BSDC1: variants seen among roughly 807,000 people sequenced by gnomAD.
The protein encoded by BSDC1 is BSD domain-containing protein 1.
A neutral mutation model predicts 56.0 loss-of-function variants in BSDC1; 29 were observed. The observed-to-expected ratio is 0.52, with a 90% CI of 0.39 to 0.71. The LOEUF (loss-of-function observed/expected upper bound fraction) is 0.71. Ranked by LOEUF, BSDC1 falls within the 30% of genes least tolerant of loss-of-function variation. The probability of loss-of-function intolerance (pLI) is 0.00; values close to 1 mark genes in which losing one functional copy is unlikely to be tolerated. For missense variants in BSDC1, 477 were observed against 548.5 expected, an observed-to-expected ratio of 0.87 and a Z score of 1.30; for synonymous variants, 210 against 215.3, an observed-to-expected ratio of 0.98 and a Z score of 0.21.
Position 32,366,525 on chromosome 1 carries a change from G to T in BSDC1, c.*97C>A. 1 of 1,201,332 alleles carries T rather than the reference G, an allele frequency of 8.3e-7. No individual in the cohort carries two copies. The highest frequency in any genetic ancestry group is 1.2e-6 in the Non-Finnish European group (1 of 826,984). The allele number at this position is 1,201,332 out of a possible 1,614,324, so 74.4% of individuals were successfully genotyped here. A position where few individuals can be genotyped will look rare whatever the true frequency, so the allele number is the denominator to read the frequency against. ...GCCCAGAGCTCTGGTTGGCAGAGGAGATTTGGGGGAACATTCTCAGTCTTC... is the reference window on the plus strand; with the variant it reads ...GCCCAGAGCTCTGGTTGGCAGAGGATATTTGGGGGAACATTCTCAGTCTTC... On this transcript the variant is annotated 3_prime_UTR_variant, in exon 11 of 11. Coordinates refer to ENST00000455895, the MANE Select transcript of BSDC1 (RefSeq NM_018045.8).
chr1:32,375,427 G>A (rs1642245705), intron 9 of BSDC1, among the ~76,000 whole-genome samples: 1 of 151,808 alleles, frequency 6.6e-6, no homozygotes, highest in African/African-American at 2.4e-5. Flanking sequence ...CAGGTGGTGG[G>A]GGGACTGGAG....
At chr1:32,368,597 G>T in intron 9 of BSDC1, 47 bp from the exon 10 acceptor site, 3 of 1,611,884 alleles carry the variant, frequency 1.9e-6, no homozygotes, top group Non-Finnish European at 2.5e-6. Flanking sequence ...GGCAGGGAAG[G>T]GGCACCTGAA....
At chr1:32,374,177 ATATTACTGTGCATATGCATCTGTGCT>A (rs1642195624) in intron 9 of BSDC1, among the ~76,000 whole-genome samples, 1 of 152,228 alleles carries the variant, frequency 6.6e-6, no homozygotes, top group African/African-American at 2.4e-5. Flanking sequence ...AGTAATATGC[ATATTACTGTGCATATGCATCTGTGCT>A]TAGCACAGAT....
intron 3 of BSDC1, among the ~76,000 whole-genome samples, chr1:32,386,238 G>A (rs1268264915): frequency 6.7e-6 from 1 of 149,428 alleles, no homozygotes; most frequent in Non-Finnish European, 1.5e-5. Context: ...AGAATAGCAT[G>A]AACCCGGGAG....
Position 32,366,393 on chromosome 1 carries a change from C to T in BSDC1, c.*229G>A, listed in dbSNP as rs1380421109. On this transcript the variant is annotated 3_prime_UTR_variant, in exon 11 of 11. Transcript: ENST00000455895. The stretch of plus-strand genomic sequence containing the variant: ...AGGATAGGTTTCCTCTCCCTTGGGT[C>T]ATCCTATTGTTGGCACAAGTCAGAG... 1 of 698,546 alleles carries T rather than the reference C, an allele frequency of 1.4e-6. No individual in the cohort carries two copies. Among genetic ancestry groups the T allele is most frequent in the Non-Finnish European group, 2.6e-6 (1 of 382,436 alleles). 43.3% of individuals were successfully genotyped at this position (698,546 alleles called of 1,614,324 possible). A position where few individuals can be genotyped will look rare whatever the true frequency, so the allele number is the denominator to read the frequency against.
intron 2 of BSDC1, among the ~76,000 whole-genome samples, chr1:32,389,649 T>A (rs776123271): frequency 1.3e-5 from 2 of 151,032 alleles, no homozygotes; most frequent in Non-Finnish European, 3.0e-5. Flanking sequence ...TGAACAGGAG[T>A]TGGTTAAGAA....
rs1311750718 is a variant in BSDC1, at chr1:32,394,368, AGGCCCCAACGCCTAGGAGCAAAAC to A, written c.11+12_11+35del. 6 of 1,613,844 alleles carry A rather than the reference AGGCCCCAACGCCTAGGAGCAAAAC, an allele frequency of 3.7e-6. No individual in the cohort carries two copies. In the Admixed American group the frequency reaches 1.0e-4, roughly 27 times the overall value. ...CAGCACCCCAACCCTGGGAGAATTC[AGGCCCCAACGCCTAGGAGCAAAAC>A]GACAAGCTCACCCTTCCGCCATCTT... On this transcript the variant is annotated intron_variant, in intron 1 of 10. Coordinates refer to ENST00000455895, the MANE Select transcript of BSDC1 (RefSeq NM_018045.8).
At position 32,378,038 on chromosome 1, in the gene BSDC1, C is replaced by T. The variant is rs898470760; in HGVS notation, c.608G>A (p.Arg203Gln). The T allele has an allele frequency of 2.5e-6, 4 of 1,611,050 alleles. No individual in the cohort carries two copies. Among genetic ancestry groups the T allele is most frequent in the African/African-American group, 1.3e-5 (1 of 74,990 alleles). ...CGCCCGCTGCTTCAGGGCGTCCCTC[C>T]GGGCCTGCTCCTGAATGTGGGGGAG... ...KVHQLEQEQA[R>Q]RDALKQRAEQ... is the part of the protein sequence containing the mutation. Residue 203 changes from arginine (R) to glutamine (Q), a missense_variant, in exon 8 of 11, where the codon CGG becomes CAG. Physicochemically the swap from Arg to Gln is conservative, Grantham distance 43. Transcript: ENST00000455895. This position sits in a 1 kb window ranked among gnomAD's most constrained non-coding sequence, Gnocchi z 5.2.
Position 32,366,506 on chromosome 1 carries a change from A to T in BSDC1, c.*116T>A. 9.8e-7 allele frequency: 1 copy of T among 1,021,534 alleles called. No individual in the cohort carries two copies. Among genetic ancestry groups the T allele is most frequent in the Non-Finnish European group, 1.5e-6 (1 of 662,914 alleles). 63.3% of individuals were successfully genotyped at this position (1,021,534 alleles called of 1,614,324 possible). On this transcript the variant is annotated 3_prime_UTR_variant, in exon 11 of 11. Coordinates refer to ENST00000455895, the MANE Select transcript of BSDC1 (RefSeq NM_018045.8). ...GGGAGCCACCAGAATCTGTGCCCAG[A>T]GCTCTGGTTGGCAGAGGAGATTTGG...
chr1:32,387,762 T>C (rs1182070125), intron 2 of BSDC1, among the ~76,000 whole-genome samples: 1 of 152,216 alleles, frequency 6.6e-6, no homozygotes, highest in Non-Finnish European at 1.5e-5. Context: ...GAATTAGTAA[T>C]TACTAATTGT....
chr1:32,373,518 T>C (rs188646490), intron 9 of BSDC1, among the ~76,000 whole-genome samples: 1 of 152,170 alleles, frequency 6.6e-6, no homozygotes, highest in Admixed American at 6.5e-5. Flanking sequence ...GCATATACTT[T>C]CTTTTCTTTC....
In BSDC1 at chr1:32,376,718, T is replaced by A. The variant is rs34885668; in HGVS notation, c.700A>T (p.Ile234Leu). The A allele has an allele frequency of 1.4e-6, 2 of 1,414,942 alleles. No individual in the cohort carries two copies. The highest frequency in any genetic ancestry group is 9.3e-7 in the Non-Finnish European group (1 of 1,072,784). The allele number at this position is 1,414,942 out of a possible 1,614,324, so 87.6% of individuals were successfully genotyped here. The change falls in exon 9 of 11, where the codon ATA becomes TTA. Residue 234 changes from isoleucine (I) to leucine (L), a missense_variant. Physicochemically the swap from Ile to Leu is conservative, Grantham distance 5 (BLOSUM62 2). Coordinates refer to ENST00000455895, the MANE Select transcript of BSDC1 (RefSeq NM_018045.8). ...EEEELMGISPISPKEAKVPVA... is the reference protein window; with the variant it reads ...EEEELMGISPLSPKEAKVPVA... ...GGAACCTTTGCCTCTTTTGGAGATA[T>A]GGGTGAAATGCCCATGAGCTCCTCT...
intron 10 of BSDC1, 143 bp downstream of exon 10, chr1:32,368,304 G>C: frequency 6.3e-7 from 1 of 1,599,668 alleles, no homozygotes; most frequent in Non-Finnish European, 8.5e-7. Flanking sequence ...GGTCTGAGCA[G>C]GAAGCTCCAG....
chr1:32,384,359 C>T (rs141056191), intron 3 of BSDC1, among the ~76,000 whole-genome samples: 32 of 152,274 alleles, frequency 2.1e-4, no homozygotes, highest in South Asian at 8.3e-4. Context: ...GTACTAGCTT[C>T]GGAGTTAGAC....
Position 32,366,530 on chromosome 1 carries a change from G to A in BSDC1, c.*92C>T. On this transcript the variant is annotated 3_prime_UTR_variant, in exon 11 of 11. Coordinates refer to ENST00000455895, the MANE Select transcript of BSDC1 (RefSeq NM_018045.8). ...GAGCTCTGGTTGGCAGAGGAGATTT[G>A]GGGGAACATTCTCAGTCTTCCAGGG... 8.1e-7 allele frequency: 1 copy of A among 1,229,088 alleles called. No homozygotes were observed. Among genetic ancestry groups the A allele is most frequent in the Non-Finnish European group, 1.2e-6 (1 of 852,458 alleles). 76.1% of individuals were successfully genotyped at this position (1,229,088 alleles called of 1,614,324 possible).
rs1642336580 is a variant in BSDC1, at chr1:32,377,529, C to G, written c.676+441G>C. Among the ~76,000 whole-genome samples, 4 of 152,146 alleles carry G rather than the reference C, an allele frequency of 2.6e-5. No homozygotes were observed. The South Asian group carries it at 6.2e-4, about 24-fold the overall frequency. Reference sequence around the variant, plus strand: ...ATATCATCCAGAAGGCTTCAACATGCTGTTCTAAGCTGAGCTACAGGTAGA... The same window carrying G: ...ATATCATCCAGAAGGCTTCAACATGGTGTTCTAAGCTGAGCTACAGGTAGA... On this transcript the variant is annotated intron_variant, in intron 8 of 10. Transcript: ENST00000455895.
chr1:32,385,984 C>G (rs1642650251), intron 3 of BSDC1, among the ~76,000 whole-genome samples: 1 of 152,004 alleles, frequency 6.6e-6, no homozygotes, highest in Non-Finnish European at 1.5e-5. Flanking sequence ...AATGGAATAC[C>G]ATGCCACTTA....
chr1:32,376,745 TAG>T lies in BSDC1; in HGVS notation c.677-6_677-5del. The stretch of plus-strand genomic sequence containing the variant: ...GGTGAAATGCCCATGAGCTCCTCTG[TAG>T]AGAGAGAAAGGGAGGGGCAAGAGGG... On this transcript the variant is annotated splice_polypyrimidine_tract_variant and splice_region_variant and intron_variant, in intron 8 of 10. Transcript: ENST00000455895. 3.7e-6 allele frequency: 5 copies of T among 1,363,268 alleles called. No individual in the cohort carries two copies. Among genetic ancestry groups the T allele is most frequent in the Non-Finnish European group, 4.8e-6 (5 of 1,047,398 alleles). 84.4% of individuals were successfully genotyped at this position (1,363,268 alleles called of 1,614,324 possible). A position where few individuals can be genotyped will look rare whatever the true frequency, so the allele number is the denominator to read the frequency against.
At chr1:32,367,486 C>T in intron 10 of BSDC1, 1 of 985,448 alleles carries the variant, frequency 1.0e-6, no homozygotes, top group Non-Finnish European at 1.2e-6. Context: ...GGAGGCCCTT[C>T]ACATGTCTCT....
Sources: allele counts gnomAD v4.1 joint callset (sites outside exome capture counted in the v4.1 genomes callset), GRCh38; gene constraint gnomAD v4.1.1; non-coding constraint Gnocchi (gnomAD v3.1); transcripts MANE v1.5; gene names NCBI Gene and HGNC (gene_info 2026-07-23, HGNC 2026-07-21).